Variants in SLC25A21 observed in about 807,000 individuals in gnomAD.
SLC25A21 encodes the protein solute carrier family 25 member 21, also known as mitochondrial 2-oxodicarboxylate carrier.
In SLC25A21, 47 loss-of-function variants were observed where a neutral mutation model predicts 43.8. The ratio of observed to expected loss-of-function variants is 1.07; its 90% CI spans 0.85 to 1.37. The LOEUF (loss-of-function observed/expected upper bound fraction) is 1.37. SLC25A21 is among the 40% of genes most tolerant of loss of function. The pLI, the probability that SLC25A21 is intolerant of heterozygous loss-of-function variation, is 0.00. For missense variants in SLC25A21, 352 were observed against 350.2 expected (o/e 1.00, Z -0.04); for synonymous variants, 131 against 121.3 (o/e 1.08, Z -0.52).
At chr14:36,718,503 C>G (rs1228918664) in intron 6 of SLC25A21, among the ~76,000 whole-genome samples, 1 of 142,726 alleles carries the variant, frequency 7.0e-6, no homozygotes, top group East Asian at 1.9e-4. Flanking sequence ...CTCTGTATAA[C>G]TCAACTTCTC....
At chr14:36,809,769 G>T (rs1357619829) in intron 3 of SLC25A21, among the ~76,000 whole-genome samples, 2 of 152,174 alleles carry the variant, frequency 1.3e-5, no homozygotes, top group African/African-American at 4.8e-5. Flanking sequence ...AGAGGAGATA[G>T]GAAAAACCAG....
At chr14:36,825,273 TTC>T (rs147588708) in intron 2 of SLC25A21, among the ~76,000 whole-genome samples, 14,650 of 152,192 alleles carry the variant, frequency 0.096, 1,021 homozygotes, top group East Asian at 0.31. Context: ...CTCTTCCTCT[TTC>T]TCTTTCTCTT....
rs1882115529 is a variant in SLC25A21 at position 36,679,747 on chromosome 14, G to T, written c.*911C>A. The T allele has an allele frequency of 2.0e-6, 2 of 985,264 alleles. No individual in the cohort carries two copies. Among genetic ancestry groups the T allele is most frequent in the African/African-American group, 1.7e-5 (1 of 57,226 alleles). 61.0% of individuals were successfully genotyped at this position (985,264 alleles called of 1,614,324 possible). Reference sequence around the variant, plus strand: ...TTCTTCCTAAAAATGGCACAGGTAGGCATGCTGAATAAAGGTATTTGGATG... The same window carrying T: ...TTCTTCCTAAAAATGGCACAGGTAGTCATGCTGAATAAAGGTATTTGGATG... On this transcript the variant is annotated 3_prime_UTR_variant, in exon 10 of 10. Transcript: ENST00000331299.
chr14:37,074,507 T>C (rs75379807), intron 1 of SLC25A21, among the ~76,000 whole-genome samples: 7,523 of 152,234 alleles, frequency 0.049, 239 homozygotes, highest in African/African-American at 0.084. Flanking sequence ...TGGCTTCCTA[T>C]TGGGTTTAGC....
intron 1 of SLC25A21, among the ~76,000 whole-genome samples, chr14:37,105,919 A>G (rs955558235): frequency 1.3e-5 from 2 of 152,094 alleles, no homozygotes; most frequent in African/African-American, 4.8e-5. Context: ...GAAGTCAGGG[A>G]CCCCGAACAG....
intron 1 of SLC25A21, among the ~76,000 whole-genome samples, chr14:37,138,751 T>G (rs1963524072): frequency 6.6e-6 from 1 of 152,072 alleles, no homozygotes; most frequent in African/African-American, 2.4e-5. Context: ...CATGTTATAA[T>G]TACATTGATT....
At position 36,801,311 on chromosome 14, in the gene SLC25A21, T is replaced by C. The variant is rs1414493453; in HGVS notation, c.203+12607A>G. Among the ~76,000 whole-genome samples the C allele has an allele frequency of 2.6e-5, 4 of 152,174 alleles. No homozygotes were observed. In the East Asian group the frequency reaches 7.7e-4, roughly 29 times the overall value. On this transcript the variant is annotated intron_variant, in intron 3 of 9. Coordinates refer to ENST00000331299, the MANE Select transcript of SLC25A21 (RefSeq NM_030631.4). ...GCAAATGCCTCAAGGGGAAATTGCA[T>C]ATAGATCTTTGGGCTCTCTTCTCAG...
intron 7 of SLC25A21, among the ~76,000 whole-genome samples, chr14:36,693,604 T>C (rs1882886406): frequency 6.6e-6 from 1 of 152,174 alleles, no homozygotes; most frequent in Non-Finnish European, 1.5e-5. Context: ...TCATAAAGAT[T>C]TATACATATC....
intron 3 of SLC25A21, among the ~76,000 whole-genome samples, chr14:36,810,686 T>A (rs1888208884): frequency 6.6e-6 from 1 of 152,156 alleles, no homozygotes; most frequent in African/African-American, 2.4e-5. Flanking sequence ...GTTGGTGTGA[T>A]GACTTCCATT....
chr14:36,967,087 CTTT>C (rs1269077948), intron 1 of SLC25A21, among the ~76,000 whole-genome samples: 1 of 152,130 alleles, frequency 6.6e-6, no homozygotes, highest in Non-Finnish European at 1.5e-5. Flanking sequence ...ATTTTTCCTC[CTTT>C]TGAATGGTGA....
intron 1 of SLC25A21, among the ~76,000 whole-genome samples, chr14:36,900,252 G>T (rs1285207869): frequency 1.3e-5 from 2 of 151,876 alleles, no homozygotes; most frequent in Non-Finnish European, 2.9e-5. Context: ...TCCCTAGAAG[G>T]GCTTCGATTG....
intron 2 of SLC25A21, among the ~76,000 whole-genome samples, chr14:36,821,385 G>A (rs926757265): frequency 2.0e-5 from 3 of 152,084 alleles, no homozygotes; most frequent in Non-Finnish European, 1.5e-5. Flanking sequence ...AGGGTGGGGT[G>A]GGGGATGCCT....
intron 1 of SLC25A21, among the ~76,000 whole-genome samples, chr14:37,150,364 A>G (rs939428915): frequency 3.3e-5 from 5 of 152,322 alleles, no homozygotes; most frequent in Admixed American, 6.5e-5. Flanking sequence ...TACGGCAAGA[A>G]CCAACATAAA....
intron 1 of SLC25A21, among the ~76,000 whole-genome samples, chr14:37,119,317 G>A (rs1193251715): frequency 1.3e-5 from 2 of 152,166 alleles, no homozygotes; most frequent in South Asian, 4.1e-4. Context: ...GGGAAGCTGA[G>A]GCAGGTGGAT....
intron 1 of SLC25A21, among the ~76,000 whole-genome samples, chr14:36,917,620 C>G (rs936614186): frequency 2.0e-5 from 3 of 151,920 alleles, no homozygotes; most frequent in African/African-American, 7.3e-5. Flanking sequence ...AATTGAGCCA[C>G]GAAAGATGCT....
At chr14:37,160,747 T>A (rs559778432) in intron 1 of SLC25A21, among the ~76,000 whole-genome samples, 1 of 151,970 alleles carries the variant, frequency 6.6e-6, no homozygotes, top group East Asian at 1.9e-4. Flanking sequence ...CTGGCCAACA[T>A]GGTGAAACCC....
intron 1 of SLC25A21, among the ~76,000 whole-genome samples, chr14:36,974,958 G>A (rs77572481): frequency 6.6e-6 from 1 of 152,142 alleles, no homozygotes; most frequent in Non-Finnish European, 1.5e-5. Context: ...TATGAATGAT[G>A]TGATGGCAAT....
intron 1 of SLC25A21, among the ~76,000 whole-genome samples, chr14:36,879,970 C>T (rs1336069517): frequency 6.6e-6 from 1 of 152,062 alleles, no homozygotes; most frequent in Non-Finnish European, 1.5e-5. Flanking sequence ...TCTGAGAATC[C>T]TACTAACCTT....
At chr14:37,050,310 T>C (rs1427391554) in intron 1 of SLC25A21, among the ~76,000 whole-genome samples, 3 of 152,208 alleles carry the variant, frequency 2.0e-5, no homozygotes, top group Non-Finnish European at 4.4e-5. Flanking sequence ...TCTAATACAG[T>C]AAGTAATAGT....
Sources: allele counts gnomAD v4.1 joint callset (sites outside exome capture counted in the v4.1 genomes callset), GRCh38; gene constraint gnomAD v4.1.1; transcripts MANE v1.5; gene names NCBI Gene and HGNC (gene_info 2026-07-23, HGNC 2026-07-21).